LRRC4C: variants seen among roughly 807,000 people sequenced by gnomAD.
LRRC4C encodes the protein leucine-rich repeat-containing protein 4C.
LRRC4C carries 5 observed loss-of-function variants against 33.6 expected under a neutral mutation model. The observed-to-expected ratio is 0.15, with a 90% CI of 0.08 to 0.31. The LOEUF (loss-of-function observed/expected upper bound fraction) is 0.31, where lower values mean the gene tolerates loss of function less well. Among genes scored for constraint, LRRC4C ranks in the 10% least tolerant of loss-of-function variants. The probability of loss-of-function intolerance (pLI) is 1.00; values close to 1 mark genes in which losing one functional copy is unlikely to be tolerated. For synonymous variants in LRRC4C, 329 were observed against 302.0 expected, an observed-to-expected ratio of 1.09 and a Z score of -0.93; for missense variants, 560 against 796.7, an observed-to-expected ratio of 0.70 and a Z score of 3.58.
chr11:40,962,156 G>A (rs888748974), intron 1 of LRRC4C, among the ~76,000 whole-genome samples: 2 of 151,608 alleles, frequency 1.3e-5, no homozygotes, highest in African/African-American at 2.4e-5. Flanking sequence ...AAGGGCACCC[G>A]CATCAGAGAG....
intron 2 of LRRC4C, among the ~76,000 whole-genome samples, chr11:40,774,829 T>C (rs1949915172): frequency 6.6e-6 from 1 of 152,270 alleles, no homozygotes; most frequent in South Asian, 2.1e-4. Flanking sequence ...TTTGGCATTA[T>C]GTATCTACGG....
chr11:41,435,924 G>A (rs933535857), intron 1 of LRRC4C, among the ~76,000 whole-genome samples: 5 of 152,032 alleles, frequency 3.3e-5, no homozygotes, highest in East Asian at 1.9e-4. Flanking sequence ...AACATTTCCC[G>A]GCCGGGAGTG....
chr11:40,920,012 C>T (rs1957111447), intron 2 of LRRC4C, among the ~76,000 whole-genome samples: 1 of 152,114 alleles, frequency 6.6e-6, no homozygotes, highest in Non-Finnish European at 1.5e-5. Flanking sequence ...ACTAAGGGCT[C>T]ACCTGACACT....
At chr11:40,928,106 CT>C (rs1957471166) in intron 2 of LRRC4C, among the ~76,000 whole-genome samples, 1 of 151,874 alleles carries the variant, frequency 6.6e-6, no homozygotes, top group African/African-American at 2.4e-5. Flanking sequence ...AAATTAACTG[CT>C]TTCTTATTGT....
At chr11:40,269,701 C>T (rs1293147482) in intron 4 of LRRC4C, among the ~76,000 whole-genome samples, 6 of 151,294 alleles carry the variant, frequency 4.0e-5, no homozygotes, top group South Asian at 2.1e-4. Context: ...ATACAAATAA[C>T]GGGGTAGCAA....
At chr11:40,822,298 C>G (rs57742903) in intron 2 of LRRC4C, among the ~76,000 whole-genome samples, 3,765 of 150,192 alleles carry the variant, frequency 0.025, 89 homozygotes, top group African/African-American at 0.061. Flanking sequence ...ATGACCTCTA[C>G]TTCTATCCAT....
intron 2 of LRRC4C, among the ~76,000 whole-genome samples, chr11:40,804,464 G>A (rs2135318399): frequency 6.6e-6 from 1 of 152,294 alleles, no homozygotes; most frequent in East Asian, 1.9e-4. Flanking sequence ...AATTGAAGTA[G>A]TTTCATAACC....
intron 3 of LRRC4C, among the ~76,000 whole-genome samples, chr11:40,476,425 A>C (rs1488067836): frequency 7.1e-6 from 1 of 140,202 alleles, no homozygotes; most frequent in East Asian, 2.1e-4. Context: ...AGCTCACCAC[A>C]GCCTCTGCCT....
In LRRC4C at chr11:40,885,273, C is replaced by T. The variant is rs184442164; in HGVS notation, c.-407+48362G>A. Among the ~76,000 whole-genome samples the T allele has an allele frequency of 9.9e-5, 15 of 151,214 alleles. No homozygotes were observed. The East Asian group carries it at 2.5e-3, about 25-fold the overall frequency. On this transcript the variant is annotated intron_variant, in intron 2 of 6. Coordinates refer to ENST00000528697, the MANE Select transcript of LRRC4C (RefSeq NM_001258419.2). ...AGCACTTATTTAGCTAAAATATGGA[C>T]ACTGTATTTTTTATAATTACTTAAG...
At chr11:40,348,476 C>T (rs1191759033) in intron 3 of LRRC4C, among the ~76,000 whole-genome samples, 4 of 152,148 alleles carry the variant, frequency 2.6e-5, no homozygotes, top group South Asian at 2.1e-4. Flanking sequence ...TCCAAAATCA[C>T]GTGCACTGGT....
intron 1 of LRRC4C, among the ~76,000 whole-genome samples, chr11:41,225,736 A>G (rs1414250488): frequency 3.9e-5 from 6 of 152,164 alleles, no homozygotes; most frequent in African/African-American, 1.4e-4. Context: ...TAAATATAGG[A>G]AACAAAAAAT....
At chr11:40,394,832 G>C (rs1028404987) in intron 3 of LRRC4C, among the ~76,000 whole-genome samples, 1 of 152,050 alleles carries the variant, frequency 6.6e-6, no homozygotes, top group Non-Finnish European at 1.5e-5. Flanking sequence ...AGAGGAGTAG[G>C]TACATTACAT....
intron 4 of LRRC4C, among the ~76,000 whole-genome samples, chr11:40,275,222 T>C (rs902701562): frequency 2.6e-5 from 4 of 152,174 alleles, no homozygotes; most frequent in African/African-American, 9.6e-5. Flanking sequence ...CTATCTGTTA[T>C]TGCAAGATTC....
intron 2 of LRRC4C, among the ~76,000 whole-genome samples, chr11:40,748,486 AAC>A (rs745762249): frequency 1.3e-5 from 2 of 152,100 alleles, no homozygotes; most frequent in Admixed American, 6.5e-5. Flanking sequence ...TGGTAAAGCA[AAC>A]ACACAAATGA....
In LRRC4C at chr11:41,455,989, G is replaced by C. The variant is rs185715921; in HGVS notation, c.-496+3442C>G. On this transcript the variant is annotated intron_variant, in intron 1 of 6. Transcript: ENST00000528697. ...GAGATGCAGATAATTGAGTGAGTTG[G>C]CTTAATTTATTGCAAAGCCCCTGCT... 7.0e-4 allele frequency among the ~76,000 whole-genome samples: 106 copies of C among 152,190 alleles called. 1 individual carries two copies. In the East Asian group the frequency reaches 0.019, roughly 27 times the overall value.
At chr11:40,245,973 T>A (rs2034640) in intron 4 of LRRC4C, among the ~76,000 whole-genome samples, 1 of 141,378 alleles carries the variant, frequency 7.1e-6, no homozygotes, top group Non-Finnish European at 1.5e-5. Flanking sequence ...AAGTCCTAAC[T>A]TTTTTTTTTT....
At chr11:40,590,224 C>G (rs1265124156) in intron 3 of LRRC4C, among the ~76,000 whole-genome samples, 2 of 151,806 alleles carry the variant, frequency 1.3e-5, no homozygotes, top group Admixed American at 1.3e-4. Flanking sequence ...TCATTTTCTT[C>G]ATTTCATCTT....
At chr11:40,427,997 G>A (rs529778143) in intron 3 of LRRC4C, among the ~76,000 whole-genome samples, 107 of 152,190 alleles carry the variant, frequency 7.0e-4, no homozygotes, top group Admixed American at 2.3e-3. Context: ...ATGAGGAGTC[G>A]AAAATCACTG....
At chr11:41,181,519 T>G (rs563683113) in intron 1 of LRRC4C, among the ~76,000 whole-genome samples, 1 of 152,248 alleles carries the variant, frequency 6.6e-6, no homozygotes, top group Non-Finnish European at 1.5e-5. Flanking sequence ...GCTGAGCTCC[T>G]TTAGAAAAGT....
Sources: allele counts gnomAD v4.1 joint callset (sites outside exome capture counted in the v4.1 genomes callset), GRCh38; gene constraint gnomAD v4.1.1; transcripts MANE v1.5; gene names NCBI Gene and HGNC (gene_info 2026-07-23, HGNC 2026-07-21).